Variants in IQSEC3 observed in about 807,000 individuals in gnomAD.
IQSEC3 encodes IQ motif and SEC7 domain-containing protein 3.
IQSEC3 carries 50 observed loss-of-function variants against 105.4 expected under a neutral mutation model. The observed-to-expected ratio is 0.47, with a 90% CI of 0.38 to 0.60. The LOEUF (loss-of-function observed/expected upper bound fraction) is 0.60. Among genes scored for constraint, IQSEC3 ranks in the 20% least tolerant of loss-of-function variants. The pLI is 0.00. For missense variants in IQSEC3, 1,415 were observed against 1,630.0 expected (o/e 0.87, Z 2.27); for synonymous variants, 708 against 746.0 (o/e 0.95, Z 0.83).
chr12:96,385 C>T (rs1477906664), intron 1 of IQSEC3, among the ~76,000 whole-genome samples: 4 of 152,118 alleles, frequency 2.6e-5, no homozygotes, highest in African/African-American at 9.7e-5. Context: ...TCTTATCAGA[C>T]TTAAAAAGGT....
At chr12:135,781 G>T (rs918439256) in intron 3 of IQSEC3, among the ~76,000 whole-genome samples, 1 of 152,226 alleles carries the variant, frequency 6.6e-6, no homozygotes, top group Non-Finnish European at 1.5e-5. Flanking sequence ...TAGTGACTGA[G>T]GGCCTAAGTC....
intron 5 of IQSEC3, among the ~76,000 whole-genome samples, chr12:150,510 A>G (rs143974889): frequency 1.3e-5 from 2 of 152,258 alleles, no homozygotes; most frequent in East Asian, 1.9e-4. Context: ...GGCAGCTGCA[A>G]TGGATGAGGG....
rs115083192 is a variant in IQSEC3, at chr12:101,397, C to T, written c.623+2183C>T. Among the ~76,000 whole-genome samples, 441 of 152,320 alleles carry T rather than the reference C, an allele frequency of 2.9e-3. 3 individuals carry two copies. Among genetic ancestry groups the T allele is most frequent in the African/African-American group, 9.8e-3 (408 of 41,564 alleles). On this transcript the variant is annotated intron_variant, in intron 2 of 13. Transcript: ENST00000538872. ...GGTTTGAGGTGGATGATAGGAAACCCATGACCTTAGTTTCCAAGAGGTTTG... is the reference window on the plus strand; with the variant it reads ...GGTTTGAGGTGGATGATAGGAAACCTATGACCTTAGTTTCCAAGAGGTTTG...
chr12:85,002 T>C (rs1863872105), intron 1 of IQSEC3, among the ~76,000 whole-genome samples: 1 of 152,264 alleles, frequency 6.6e-6, no homozygotes, highest in African/African-American at 2.4e-5. Flanking sequence ...CGGGAGGTCG[T>C]CAAACCTCCG....
Position 66,891 on chromosome 12 carries a change from C to T in IQSEC3, c.9C>T (p.Ser3=), listed in dbSNP as rs1555065388. Residue 3 remains serine (S), a synonymous_variant, in exon 1 of 14, where the codon AGC becomes AGT. Transcript: ENST00000538872. The part of the protein sequence containing the change: ME[S]LLENPVRAVL... ...AGGCGGCGGCGGGCGGCATGGAGAGCCTGCTGGAGAATCCGGTGCGCGCCG... is the reference window on the plus strand; with the variant it reads ...AGGCGGCGGCGGGCGGCATGGAGAGTCTGCTGGAGAATCCGGTGCGCGCCG... 2.8e-6 allele frequency: 4 copies of T among 1,449,572 alleles called. No homozygotes were observed. The East Asian group carries it at 1.2e-4, about 42-fold the overall frequency. The allele number at this position is 1,449,572 out of a possible 1,614,324, so 89.8% of individuals were successfully genotyped here.
intron 2 of IQSEC3, among the ~76,000 whole-genome samples, chr12:114,711 T>A (rs1279236104): frequency 1.3e-5 from 2 of 152,220 alleles, no homozygotes; most frequent in East Asian, 1.9e-4. Flanking sequence ...AAGCATTTAT[T>A]TTATCAGCCA....
At chr12:87,057 T>G (rs1863939744) in intron 1 of IQSEC3, among the ~76,000 whole-genome samples, 3 of 152,114 alleles carry the variant, frequency 2.0e-5, no homozygotes, top group Admixed American at 2.0e-4. Flanking sequence ...ACCAACAACA[T>G]GCTGTGAGAG....
intron 3 of IQSEC3, among the ~76,000 whole-genome samples, chr12:126,415 A>G (rs113288271): frequency 9.2e-5 from 14 of 152,240 alleles, no homozygotes; most frequent in East Asian, 1.9e-4. Flanking sequence ...TGGAGAACAG[A>G]TTCCATGGAG....
At chr12:133,985 CCAGCGG>C (rs1308079587) in intron 3 of IQSEC3, among the ~76,000 whole-genome samples, 1 of 152,216 alleles carries the variant, frequency 6.6e-6, no homozygotes, top group Non-Finnish European at 1.5e-5. Flanking sequence ...GGCTAGTGCC[CCAGCGG>C]CAGCGGAGTC....
intron 5 of IQSEC3, among the ~76,000 whole-genome samples, chr12:151,534 T>A (rs1372910878): frequency 2.2e-4 from 33 of 152,232 alleles, no homozygotes; most frequent in Non-Finnish European, 1.5e-5. Flanking sequence ...GGGCCCCTGC[T>A]TCTGTCTTCT....
At chr12:105,348 T>A (rs1864611450) in intron 2 of IQSEC3, among the ~76,000 whole-genome samples, 1 of 152,142 alleles carries the variant, frequency 6.6e-6, no homozygotes. Context: ...GGGGCGGGAA[T>A]CCTGGGGTTT....
At chr12:162,608 G>T (rs2137049991) in intron 8 of IQSEC3, among the ~76,000 whole-genome samples, 1 of 152,254 alleles carries the variant, frequency 6.6e-6, no homozygotes, top group African/African-American at 2.4e-5. Flanking sequence ...TCATATTCTT[G>T]CCTCAGGGGA....
At chr12:121,428 A>G (rs1361821295) in intron 2 of IQSEC3, among the ~76,000 whole-genome samples, 1 of 152,198 alleles carries the variant, frequency 6.6e-6, no homozygotes, top group Admixed American at 6.5e-5. Context: ...GAGAGGGTGT[A>G]AGGACTCAGG....
At chr12:140,809 T>C (rs1366742150) in intron 4 of IQSEC3, 1 of 309,506 alleles carries the variant, frequency 3.2e-6, no homozygotes, top group Non-Finnish European at 5.9e-6. Flanking sequence ...GGGACCTGCA[T>C]ATTGACAACA....
intron 1 of IQSEC3, among the ~76,000 whole-genome samples, chr12:74,934 G>C (rs147409172): frequency 2.0e-5 from 3 of 152,256 alleles, no homozygotes; most frequent in Non-Finnish European, 2.9e-5. Context: ...ATTATGTGAC[G>C]ATGGACCAAA....
chr12:95,376 G>T (rs368089870), intron 1 of IQSEC3, among the ~76,000 whole-genome samples: 2 of 152,122 alleles, frequency 1.3e-5, no homozygotes, highest in South Asian at 2.1e-4. Context: ...ATGAACAAAA[G>T]TCCAAGATAA....
At chr12:133,443 A>G (rs1865660659) in intron 3 of IQSEC3, among the ~76,000 whole-genome samples, 1 of 152,244 alleles carries the variant, frequency 6.6e-6, no homozygotes, top group Admixed American at 6.5e-5. Flanking sequence ...GAAAGGAGCC[A>G]GGAGGGAGGC....
At chr12:96,574 C>A (rs187518734) in intron 1 of IQSEC3, among the ~76,000 whole-genome samples, 2 of 152,296 alleles carry the variant, frequency 1.3e-5, no homozygotes. Context: ...AGTTCAGTTT[C>A]TTTCAGGGCC....
At chr12:81,808 A>G (rs968555890) in intron 1 of IQSEC3, among the ~76,000 whole-genome samples, 1 of 152,196 alleles carries the variant, frequency 6.6e-6, no homozygotes, top group Non-Finnish European at 1.5e-5. Flanking sequence ...AATGCACACA[A>G]CACTAAAAGG....
Sources: allele counts gnomAD v4.1 joint callset (sites outside exome capture counted in the v4.1 genomes callset), GRCh38; gene constraint gnomAD v4.1.1; transcripts MANE v1.5; gene names NCBI Gene and HGNC (gene_info 2026-07-23, HGNC 2026-07-21).